The following LAMP3 variants were observed in gnomAD, a reference collection of about 807,000 sequenced individuals.
LAMP3 encodes the protein lysosome associated membrane protein 3, also known as lysosome-associated membrane glycoprotein 3.
A neutral mutation model predicts 34.8 loss-of-function variants in LAMP3; 26 were observed. The ratio of observed to expected loss-of-function variants is 0.75; its 90% CI spans 0.55 to 1.04. The LOEUF is 1.04. Ranked by LOEUF, LAMP3 falls within the 50% of genes least tolerant of loss-of-function variation. The pLI, the probability that LAMP3 is intolerant of heterozygous loss-of-function variation, is 0.00. For synonymous variants in LAMP3, 180 were observed against 201.9 expected (o/e 0.89, Z 0.92); for missense variants, 495 against 524.0 (o/e 0.94, Z 0.54).
chr3:183,152,297 T>G, intron 3 of LAMP3, 78 bp downstream of exon 3: 1 of 1,455,612 alleles, frequency 6.9e-7, no homozygotes, highest in Non-Finnish European at 9.2e-7. Context: ...AAGTGTGGGG[T>G]TGCACCACCT....
At chr3:183,128,277 C>T (rs1055864678) in intron 5 of LAMP3, among the ~76,000 whole-genome samples, 1 of 152,150 alleles carries the variant, frequency 6.6e-6, no homozygotes, top group African/African-American at 2.4e-5. Context: ...TTCTCCCTGT[C>T]CCCATTAGAT....
At position 183,162,620 on chromosome 3, in the gene LAMP3, G is replaced by A. The variant is rs1021385391; in HGVS notation, c.36C>T (p.Phe12=). Residue 12 remains phenylalanine, a synonymous_variant, in exon 1 of 6, where the codon TTC becomes TTT. Transcript: ENST00000265598. ...AGGGCCACTCACCGGCCAGGGACGC[G>A]AAGAGCGCGGCCGCCGCGCTGAGCT... ...PRQLSAAAAL[F]ASLAVILHDG... is the part of the protein sequence containing the mutation. 6.5e-6 allele frequency: 10 copies of A among 1,545,360 alleles called. No homozygotes were observed. Among genetic ancestry groups the A allele is most frequent in the Middle Eastern group, 1.7e-4 (1 of 5,966 alleles).
intron 4 of LAMP3, among the ~76,000 whole-genome samples, chr3:183,136,615 C>T (rs1412995227): frequency 7.0e-6 from 1 of 143,556 alleles, no homozygotes; most frequent in Non-Finnish European, 1.5e-5. Context: ...TGTGCCATTG[C>T]ACTCCAGCCT....
chr3:183,153,786 G>A lies in LAMP3; in HGVS notation c.655C>T (p.Gln219Ter). The part of the protein sequence containing the change: ...STVPGPTLAP[Q>*]PSSVKTGIYQ... The stretch of plus-strand genomic sequence containing the variant: ...ATTCCAGTCTTGACTGACGATGGCT[G>A]AGGTGCAAGGGTGGGCCCAGGAACC... The change falls in exon 2 of 6, where the codon CAG becomes TAG. Residue 219 changes from glutamine to a stop codon, truncating the protein, a stop_gained. Coordinates refer to ENST00000265598, the MANE Select transcript of LAMP3 (RefSeq NM_014398.4). LOFTEE classifies it high-confidence loss of function. 1 of 1,580,440 alleles carries A rather than the reference G, an allele frequency of 6.3e-7. No individual in the cohort carries two copies. The highest frequency in any genetic ancestry group is 8.6e-7 in the Non-Finnish European group (1 of 1,163,736).
Position 183,135,885 on chromosome 3 carries a change from T to C in LAMP3, c.949A>G (p.Thr317Ala), listed in dbSNP as rs764901749. 1.9e-6 allele frequency: 3 copies of C among 1,612,536 alleles called. No homozygotes were observed. Among genetic ancestry groups the C allele is most frequent in the Non-Finnish European group, 2.5e-6 (3 of 1,178,690 alleles). Residue 317 changes from threonine (T) to alanine (A), a missense_variant and splice_region_variant, in exon 5 of 6, where the codon ACA (threonine) becomes GCA (alanine). Physicochemically the swap from Thr to Ala is moderately conservative, Grantham distance 58. Coordinates refer to ENST00000265598, the MANE Select transcript of LAMP3 (RefSeq NM_014398.4). ...GAYLTVSDPETIYQGIKHAVV... is the reference protein window; with the variant it reads ...GAYLTVSDPEAIYQGIKHAVV... ...GCATGTTTGATTCCTTGGTAAATTG[T>C]CTCTGAAAAGGTGACAGATAGATGC... is the stretch of plus-strand genomic sequence containing the variant.
At chr3:183,144,739 A>G (rs1720388913) in intron 3 of LAMP3, among the ~76,000 whole-genome samples, 1 of 152,164 alleles carries the variant, frequency 6.6e-6, no homozygotes, top group Non-Finnish European at 1.5e-5. Context: ...ACCTGTCTCT[A>G]GAAAAAAATA....
At chr3:183,162,834 A>C, upstream of LAMP3, 42 of 570,280 alleles carry the variant, frequency 7.4e-5, no homozygotes, top group Non-Finnish European at 9.8e-5. Context: ...TCCTACCCCT[A>C]CGGAGCAGGG....
chr3:183,129,929 C>A (rs1719867175), intron 5 of LAMP3, among the ~76,000 whole-genome samples: 1 of 152,080 alleles, frequency 6.6e-6, no homozygotes, highest in South Asian at 2.1e-4. Context: ...GGTATCCTTA[C>A]ACAAAGAGGA....
chr3:183,155,652 G>A (rs1395204747), intron 1 of LAMP3, among the ~76,000 whole-genome samples: 1 of 152,232 alleles, frequency 6.6e-6, no homozygotes, highest in Non-Finnish European at 1.5e-5. Flanking sequence ...TGGCCAGTAT[G>A]TACCAGCCAA....
chr3:183,155,116 T>C (rs1346201819), intron 1 of LAMP3, among the ~76,000 whole-genome samples: 2 of 152,186 alleles, frequency 1.3e-5, no homozygotes, highest in East Asian at 1.9e-4. Context: ...GGTTTCACCA[T>C]GTTGTCCAGG....
At chr3:183,145,316 C>G (rs2108605550) in intron 3 of LAMP3, among the ~76,000 whole-genome samples, 1 of 152,278 alleles carries the variant, frequency 6.6e-6, no homozygotes, top group Middle Eastern at 3.4e-3. Flanking sequence ...CCTGACCCCT[C>G]TAGGGGCCAA....
In LAMP3 at chr3:183,122,976, G is replaced by C. The variant is rs1441646826; in HGVS notation, c.*1105C>G. On this transcript the variant is annotated 3_prime_UTR_variant, in exon 6 of 6. Transcript: ENST00000265598. ...AGCCAGGTGACATTTAAGTGATTCA[G>C]TTCCCTTAAGTCTCAGTTTACTCAT... 2 of 152,174 alleles carry C rather than the reference G, an allele frequency of 1.3e-5. No homozygotes were observed. The highest frequency in any genetic ancestry group is 3.8e-4 in the East Asian group (2 of 5,202). 9.4% of individuals were successfully genotyped at this position (152,174 alleles called of 1,614,324 possible). A position where few individuals can be genotyped will look rare whatever the true frequency, so the allele number is the denominator to read the frequency against.
upstream of LAMP3, chr3:183,162,784 C>T: frequency 2.3e-6 from 2 of 854,710 alleles, no homozygotes; most frequent in Admixed American, 3.4e-5. Context: ...AAAAGCCCGC[C>T]CAGGGCCGCT....
intron 3 of LAMP3, 87 bp downstream of exon 3, chr3:183,152,288 A>G (rs764683521): frequency 1.7e-4 from 236 of 1,370,092 alleles, no homozygotes; most frequent in Non-Finnish European, 2.2e-4. Flanking sequence ...CTCAAACTGA[A>G]GTGTGGGGTT....
At chr3:183,132,573 G>A in intron 5 of LAMP3, 1 of 985,334 alleles carries the variant, frequency 1.0e-6, no homozygotes, top group Non-Finnish European at 1.2e-6. Flanking sequence ...GCCAGCACTG[G>A]TATATTCAGG....
At chr3:183,134,157 G>A (rs772065352) in intron 5 of LAMP3, among the ~76,000 whole-genome samples, 9 of 152,170 alleles carry the variant, frequency 5.9e-5, no homozygotes, top group Admixed American at 2.6e-4. Context: ...AGAAGATGGC[G>A]TTGAGTTGAT....
rs762252248 is a variant in LAMP3, at chr3:183,152,440, C to T, written c.823G>A (p.Gly275Ser). ...PNATQASGNC[G>S]TRKSNLLLNF... ...AACAGAAGGTTGGATTTTCGGGTGC[C>T]ACAGTTCCCAGAGGCTTGCGTTGCG... Residue 275 changes from glycine (G) to serine (S), a missense_variant, in exon 3 of 6, where the codon GGC becomes AGC. Gly to Ser is a moderately conservative substitution (Grantham distance 56). Coordinates refer to ENST00000265598, the MANE Select transcript of LAMP3 (RefSeq NM_014398.4). 2.5e-6 allele frequency: 4 copies of T among 1,612,768 alleles called. No individual in the cohort carries two copies. Among genetic ancestry groups the T allele is most frequent in the South Asian group, 1.1e-5 (1 of 90,900 alleles).
chr3:183,128,039 T>C (rs1324071464), intron 5 of LAMP3, among the ~76,000 whole-genome samples: 1 of 151,788 alleles, frequency 6.6e-6, no homozygotes, highest in Non-Finnish European at 1.5e-5. Flanking sequence ...TCCCAGTTAC[T>C]TGGGAGGCTG....
At chr3:183,140,654 G>A (rs934071145) in intron 3 of LAMP3, 59 bp from the exon 4 acceptor site, 2 of 1,146,944 alleles carry the variant, frequency 1.7e-6, no homozygotes, top group African/African-American at 1.5e-5. Context: ...TTACAATCTT[G>A]GTTTATAAAC....
Sources: allele counts gnomAD v4.1 joint callset (sites outside exome capture counted in the v4.1 genomes callset), GRCh38; gene constraint gnomAD v4.1.1; transcripts MANE v1.5; gene names NCBI Gene and HGNC (gene_info 2026-07-23, HGNC 2026-07-21).